Variants in SCAND3 observed in about 807,000 individuals in gnomAD.
The protein encoded by SCAND3 is SCAN domain containing 3.
At chr6:28,582,259 A>AT in the SCAND3 span, among the ~76,000 whole-genome samples, 30 of 152,192 alleles carry the variant, frequency 2.0e-4, no homozygotes, top group African/African-American at 6.7e-4. This position sits in a 1 kb window ranked among gnomAD's most constrained non-coding sequence, Gnocchi z 4.8. Flanking sequence ...TTGTTTTGTG[A>AT]TTTTTTTTAA....
the SCAND3 span, among the ~76,000 whole-genome samples, chr6:28,592,545 A>G: frequency 1.1e-4 from 17 of 152,196 alleles, no homozygotes; most frequent in East Asian, 1.9e-4. This position sits in a 1 kb window ranked among gnomAD's most constrained non-coding sequence, Gnocchi z 4.1. Flanking sequence ...CAAAACTCCA[A>G]TGTCATATTT....
At chr6:28,572,161 G>T in the SCAND3 span, 13 of 1,613,910 alleles carry the variant, frequency 8.1e-6, no homozygotes, top group East Asian at 4.5e-5. The surrounding 1 kb of genome is among the most constrained non-coding windows in gnomAD (Gnocchi z 4.1). Context: ...AAGTGATGCT[G>T]TATTTTCAAA....
At chr6:28,595,551 G>A in the SCAND3 span, among the ~76,000 whole-genome samples, 2 of 151,670 alleles carry the variant, frequency 1.3e-5, no homozygotes, top group Non-Finnish European at 2.9e-5. Context: ...GCGAGACCCC[G>A]TCTCTACTAA....
the SCAND3 span, among the ~76,000 whole-genome samples, chr6:28,599,501 T>C: frequency 6.6e-6 from 1 of 152,208 alleles, no homozygotes. Flanking sequence ...GAAAGGGAGC[T>C]TGTGGGAGGT....
the SCAND3 span, among the ~76,000 whole-genome samples, chr6:28,612,110 C>T: frequency 6.6e-6 from 1 of 151,918 alleles, no homozygotes; most frequent in African/African-American, 2.4e-5. Flanking sequence ...GATCTCAGCT[C>T]ACTGCAACCT....
At chr6:28,578,256 T>G in the SCAND3 span, among the ~76,000 whole-genome samples, 1 of 152,226 alleles carries the variant, frequency 6.6e-6, no homozygotes, top group Non-Finnish European at 1.5e-5. Context: ...CAGTAAGGCT[T>G]CTTTGATCAT....
the SCAND3 span, chr6:28,590,652 C>A: frequency 6.6e-6 from 1 of 152,146 alleles, no homozygotes; most frequent in African/African-American, 2.4e-5. Context: ...TATTTATTTT[C>A]AGATTTCTTA....
chr6:28,571,928 C>T, the SCAND3 span: 5 of 1,612,896 alleles, frequency 3.1e-6, no homozygotes, highest in Non-Finnish European at 4.2e-6. Flanking sequence ...GATAAGTGAG[C>T]TTGCTTCTTG....
chr6:28,611,294 G>T, the SCAND3 span, among the ~76,000 whole-genome samples: 1 of 152,096 alleles, frequency 6.6e-6, no homozygotes, highest in South Asian at 2.1e-4. Context: ...TAGACCTATG[G>T]TTATCATCTA....
the SCAND3 span, among the ~76,000 whole-genome samples, chr6:28,611,036 T>G: frequency 1.6e-4 from 24 of 152,328 alleles, no homozygotes; most frequent in East Asian, 3.9e-3. Flanking sequence ...CAAGAAGATA[T>G]GTTTCCTTTT....
At chr6:28,590,266 C>T in the SCAND3 span, 1 of 152,288 alleles carries the variant, frequency 6.6e-6, no homozygotes, top group Admixed American at 6.5e-5. Flanking sequence ...CTCCTAGTAC[C>T]AGGGTGAAAG....
the SCAND3 span, among the ~76,000 whole-genome samples, chr6:28,582,630 A>G: frequency 1.3e-5 from 2 of 152,162 alleles, no homozygotes; most frequent in African/African-American, 4.8e-5. The surrounding 1 kb of genome is among the most constrained non-coding windows in gnomAD (Gnocchi z 4.8). Context: ...TTAAAACTAT[A>G]ACAACTCCCG....
At chr6:28,584,602 C>T in the SCAND3 span, among the ~76,000 whole-genome samples, 1 of 152,212 alleles carries the variant, frequency 6.6e-6, no homozygotes, top group Non-Finnish European at 1.5e-5. Context: ...CAGTGTGTTT[C>T]TAGAGTACTT....
At chr6:28,586,027 C>T in the SCAND3 span, among the ~76,000 whole-genome samples, 5 of 152,090 alleles carry the variant, frequency 3.3e-5, no homozygotes, top group African/African-American at 1.2e-4. This position sits in a 1 kb window ranked among gnomAD's most constrained non-coding sequence, Gnocchi z 4.4. Flanking sequence ...TTGTATATTT[C>T]TTTAATCTCA....
At chr6:28,574,421 C>T in the SCAND3 span, among the ~76,000 whole-genome samples, 6 of 152,122 alleles carry the variant, frequency 3.9e-5, no homozygotes, top group Non-Finnish European at 7.3e-5. Flanking sequence ...TTTCCCAACA[C>T]AAACCCATAT....
At chr6:28,575,322 A>G in the SCAND3 span, 9 of 1,613,924 alleles carry the variant, frequency 5.6e-6, no homozygotes, top group East Asian at 1.6e-4. This position sits in a 1 kb window ranked among gnomAD's most constrained non-coding sequence, Gnocchi z 4.2. Flanking sequence ...GAGACTTCCC[A>G]TGGACAATTT....
At chr6:28,614,248 G>A in the SCAND3 span, among the ~76,000 whole-genome samples, 2 of 151,894 alleles carry the variant, frequency 1.3e-5, no homozygotes, top group African/African-American at 2.4e-5. Context: ...ACAGGCGTGA[G>A]CCACCGCGCC....
At chr6:28,596,018 T>G in the SCAND3 span, among the ~76,000 whole-genome samples, 1 of 152,230 alleles carries the variant, frequency 6.6e-6, no homozygotes, top group African/African-American at 2.4e-5. Context: ...GAGTGTAAAC[T>G]AATAAAATCC....
At chr6:28,592,034 G>A in the SCAND3 span, among the ~76,000 whole-genome samples, 1 of 152,138 alleles carries the variant, frequency 6.6e-6, no homozygotes, top group Admixed American at 6.5e-5. The surrounding 1 kb of genome is among the most constrained non-coding windows in gnomAD (Gnocchi z 4.1). Flanking sequence ...TACGGAAAAA[G>A]TATTTGACAA....
Sources: allele counts gnomAD v4.1 joint callset (sites outside exome capture counted in the v4.1 genomes callset), GRCh38; gene constraint gnomAD v4.1.1; non-coding constraint Gnocchi (gnomAD v3.1); transcripts MANE v1.5; gene names NCBI Gene and HGNC (gene_info 2026-07-23, HGNC 2026-07-21).